The following TEAD1 variants were observed in gnomAD, a reference collection of about 807,000 sequenced individuals.
TEAD1 encodes the protein TEA domain transcription factor 1, also known as transcriptional enhancer factor TEF-1.
TEAD1 carries 9 observed loss-of-function variants against 54.9 expected under a neutral mutation model. The observed-to-expected ratio is 0.16, with a 90% CI of 0.10 to 0.29. The LOEUF (loss-of-function observed/expected upper bound fraction) is 0.29, where lower values mean the gene tolerates loss of function less well. TEAD1 is among the 10% of genes least tolerant of loss of function. TEAD1 has a pLI of 1.00. For missense variants in TEAD1, 387 were observed against 535.9 expected (o/e 0.72, Z 2.74); for synonymous variants, 200 against 187.8 (o/e 1.07, Z -0.53).
chr11:12,730,671 C>T (rs1400426379), intron 2 of TEAD1, among the ~76,000 whole-genome samples: 1 of 141,162 alleles, frequency 7.1e-6, no homozygotes, highest in African/African-American at 2.6e-5. Flanking sequence ...GGAGGCTTGC[C>T]TACAGTGCTT....
chr11:12,937,312 G>C lies in TEAD1; in HGVS notation c.*90G>C. ...TCTCTCCATTATCGAACGACTGACTGTAAACCTCACCACACAGGGTGGTGC... is the reference window on the plus strand; with the variant it reads ...TCTCTCCATTATCGAACGACTGACTCTAAACCTCACCACACAGGGTGGTGC... On this transcript the variant is annotated 3_prime_UTR_variant, in exon 13 of 13. Transcript: ENST00000527636. The C allele has an allele frequency of 8.8e-7, 1 of 1,135,554 alleles. No individual in the cohort carries two copies. The highest frequency in any genetic ancestry group is 1.9e-5 in the Admixed American group (1 of 51,866). 70.3% of individuals were successfully genotyped at this position (1,135,554 alleles called of 1,614,324 possible). A position where few individuals can be genotyped will look rare whatever the true frequency, so the allele number is the denominator to read the frequency against.
At chr11:12,787,251 A>G (rs527934437) in intron 3 of TEAD1, among the ~76,000 whole-genome samples, 3 of 152,340 alleles carry the variant, frequency 2.0e-5, no homozygotes, top group South Asian at 2.1e-4. Flanking sequence ...TGGACACAGC[A>G]TCACCTTGCA....
chr11:12,899,028 C>T (rs1948371991), intron 9 of TEAD1, among the ~76,000 whole-genome samples: 2 of 152,176 alleles, frequency 1.3e-5, no homozygotes, highest in South Asian at 4.1e-4. Context: ...CTTCAAGTTT[C>T]CCAGCTTCTC....
chr11:12,756,594 TA>T (rs1228370686), intron 2 of TEAD1, among the ~76,000 whole-genome samples: 2 of 152,204 alleles, frequency 1.3e-5, no homozygotes, highest in African/African-American at 4.8e-5. Context: ...CACTATTCAT[TA>T]GGAATTAATT....
intron 3 of TEAD1, among the ~76,000 whole-genome samples, chr11:12,811,107 A>T (rs1224774791): frequency 6.6e-6 from 1 of 152,230 alleles, no homozygotes; most frequent in Non-Finnish European, 1.5e-5. Context: ...TAAAACAGCT[A>T]TGTCCACGGC....
intron 2 of TEAD1, among the ~76,000 whole-genome samples, chr11:12,690,174 G>A (rs1187090640): frequency 1.3e-5 from 2 of 151,220 alleles, no homozygotes; most frequent in African/African-American, 4.9e-5. Flanking sequence ...CCCAGGAGGC[G>A]GAGCTTGTAG....
At chr11:12,728,261 T>C (rs1423761864) in intron 2 of TEAD1, among the ~76,000 whole-genome samples, 10 of 152,218 alleles carry the variant, frequency 6.6e-5, no homozygotes, top group Admixed American at 6.5e-4. Context: ...GATTCTCTTT[T>C]GGTCAGTGAG....
intron 9 of TEAD1, among the ~76,000 whole-genome samples, chr11:12,886,138 C>G (rs1305506185): frequency 6.6e-6 from 1 of 152,166 alleles, no homozygotes; most frequent in Non-Finnish European, 1.5e-5. Context: ...CAGAATATTC[C>G]AGAGGTGATG....
At chr11:12,862,103 A>T in intron 3 of TEAD1, 147 bp from the exon 4 acceptor site, 1 of 662,804 alleles carries the variant, frequency 1.5e-6, no homozygotes, top group Non-Finnish European at 2.7e-6. Context: ...TTTGCAGACA[A>T]TTGTGCTGTT....
At chr11:12,897,797 T>C (rs1421403083) in intron 9 of TEAD1, among the ~76,000 whole-genome samples, 3 of 152,280 alleles carry the variant, frequency 2.0e-5, no homozygotes, top group Middle Eastern at 3.2e-3. Context: ...AAACGCTGTT[T>C]AGTTTTTTTG....
At chr11:12,867,870 A>G (rs1947655192) in intron 5 of TEAD1, among the ~76,000 whole-genome samples, 1 of 152,162 alleles carries the variant, frequency 6.6e-6, no homozygotes, top group Non-Finnish European at 1.5e-5. Context: ...CCAAGCTTAA[A>G]AGAGACACTG....
intron 3 of TEAD1, among the ~76,000 whole-genome samples, chr11:12,804,235 G>A (rs942822891): frequency 6.6e-6 from 1 of 152,104 alleles, no homozygotes; most frequent in African/African-American, 2.4e-5. Context: ...TGCAAAATAC[G>A]GCTTTGAATG....
At chr11:12,807,514 A>G (rs1361394935) in intron 3 of TEAD1, among the ~76,000 whole-genome samples, 1 of 152,208 alleles carries the variant, frequency 6.6e-6, no homozygotes, top group East Asian at 1.9e-4. Flanking sequence ...TTTTCTCATC[A>G]GTAAAGTGGG....
intron 2 of TEAD1, among the ~76,000 whole-genome samples, chr11:12,728,742 C>T (rs1944362522): frequency 6.6e-6 from 1 of 152,208 alleles, no homozygotes; most frequent in Non-Finnish European, 1.5e-5. Context: ...AAATGTAAAC[C>T]TCTCTGAAAG....
At chr11:12,906,383 T>C (rs1254414224) in intron 10 of TEAD1, among the ~76,000 whole-genome samples, 2 of 151,538 alleles carry the variant, frequency 1.3e-5, no homozygotes, top group African/African-American at 2.4e-5. Context: ...CTACTAAAAA[T>C]ACAAAAAATT....
chr11:12,933,008 C>G (rs1279539809), intron 12 of TEAD1, among the ~76,000 whole-genome samples: 1 of 152,150 alleles, frequency 6.6e-6, no homozygotes, highest in East Asian at 1.9e-4. Context: ...GATTTGTACC[C>G]TAGGAGCAAT....
intron 2 of TEAD1, among the ~76,000 whole-genome samples, chr11:12,753,621 T>C (rs746425955): frequency 1.3e-5 from 2 of 152,206 alleles, no homozygotes; most frequent in African/African-American, 2.4e-5. Context: ...TCTTATTGTT[T>C]GGAGTTCCTG....
At chr11:12,817,488 A>G (rs531852480) in intron 3 of TEAD1, among the ~76,000 whole-genome samples, 1 of 152,316 alleles carries the variant, frequency 6.6e-6, no homozygotes, top group East Asian at 1.9e-4. Context: ...GAGTGTTTAC[A>G]CCATCTATCA....
chr11:12,783,192 CTTTTTTTT>C (rs3046326), intron 3 of TEAD1, among the ~76,000 whole-genome samples: 1 of 99,560 alleles, frequency 1.0e-5, no homozygotes, highest in East Asian at 2.9e-4. Context: ...GTTTTTGTGC[CTTTTTTTT>C]TTTTTTTTTT....
Sources: allele counts gnomAD v4.1 joint callset (sites outside exome capture counted in the v4.1 genomes callset), GRCh38; gene constraint gnomAD v4.1.1; transcripts MANE v1.5; gene names NCBI Gene and HGNC (gene_info 2026-07-23, HGNC 2026-07-21).